The following ERBB2 variants were observed in gnomAD, a reference collection of about 807,000 sequenced individuals.
The protein encoded by ERBB2 is erb-b2 receptor tyrosine kinase 2.
Under a neutral mutation model 149.0 loss-of-function variants are expected in ERBB2, and 61 were observed. The observed-to-expected ratio is 0.41, with a 90% confidence interval of 0.33 to 0.51. ERBB2 has a LOEUF of 0.51. ERBB2 is among the 20% of genes least tolerant of loss of function. The pLI is 0.25. For synonymous variants in ERBB2, 633 were observed against 678.8 expected, an observed-to-expected ratio of 0.93 and a Z score of 1.05; for missense variants, 1,205 against 1,655.1, an observed-to-expected ratio of 0.73 and a Z score of 4.72.
Position 39,727,928 on chromosome 17 carries a change from G to A in ERBB2, c.3652G>A (p.Asp1218Asn), listed in dbSNP as rs2059870846. The change falls in exon 27 of 27, where the codon GAC (aspartate) becomes AAC (asparagine). Residue 1218 changes from aspartate to asparagine, a missense_variant. Asp to Asn is a conservative substitution (Grantham distance 23, BLOSUM62 1). Transcript: ENST00000269571. This position sits in a 1 kb window ranked among gnomAD's most constrained non-coding sequence, Gnocchi z 4.3. ...TCCTCCTGCCTTCAGCCCAGCCTTC[G>A]ACAACCTCTATTACTGGGACCAGGA... ...HPPPAFSPAF[D>N]NLYYWDQDPP... is the part of the protein sequence containing the mutation. 6 of 1,614,084 alleles carry A rather than the reference G, an allele frequency of 3.7e-6. No individual in the cohort carries two copies. Among genetic ancestry groups the A allele is most frequent in the African/African-American group, 1.3e-5 (1 of 75,014 alleles).
At position 39,719,843 on chromosome 17, in the gene ERBB2, G is replaced by A. The variant is rs1180697434; in HGVS notation, c.1946+9G>A. 6.2e-7 allele frequency: 1 copy of A among 1,613,974 alleles called. No individual in the cohort carries two copies. Among genetic ancestry groups the A allele is most frequent in the Non-Finnish European group, 8.5e-7 (1 of 1,179,840 alleles). On this transcript the variant is annotated intron_variant, in intron 16 of 26. Transcript: ENST00000269571. ...GCCGAGCAGAGAGCCAGGTTGGCCT[G>A]GACCCCAGGATGTACCCTTCATTGC...
In ERBB2 at chr17:39,706,998, G is replaced by A. The variant is rs564064363; in HGVS notation, c.82G>A (p.Gly28Ser). The change falls in exon 2 of 27, where the codon GGC becomes AGC. Residue 28 changes from glycine to serine, a missense_variant. By Grantham distance (56) the Gly-to-Ser change is moderately conservative. Around this residue, in one of 6 missense-constraint regions of ERBB2, gnomAD observed 101 missense variants for 95.1 expected, o/e 1.06. Coordinates refer to ENST00000269571, the MANE Select transcript of ERBB2 (RefSeq NM_004448.4). ...PGAASTQVCTGTDMKLRLPAS... is the reference protein window; with the variant it reads ...PGAASTQVCTSTDMKLRLPAS... Reference sequence around the variant, plus strand: ...CTGCTCTCTCCTGCCAGTGTGCACCGGCACAGACATGAAGCTGCGGCTCCC... The same window carrying A: ...CTGCTCTCTCCTGCCAGTGTGCACCAGCACAGACATGAAGCTGCGGCTCCC... The A allele has an allele frequency of 1.0e-5, 16 of 1,582,304 alleles. No homozygotes were observed. The highest frequency in any genetic ancestry group is 5.8e-5 in the South Asian group (5 of 86,606).
At chr17:39,689,655 C>T (rs529439569) in intron 2 of ERBB2, among the ~76,000 whole-genome samples, 1 of 152,194 alleles carries the variant, frequency 6.6e-6, no homozygotes, top group South Asian at 2.1e-4. Context: ...CCTGTAATCC[C>T]AGCACTTTGG....
upstream of ERBB2, chr17:39,699,954 T>C (rs1239882264): frequency 1.2e-5 from 14 of 1,206,270 alleles, no homozygotes; most frequent in Admixed American, 4.0e-5. Context: ...TGGAATGCAG[T>C]TGGAGGGGGC....
upstream of ERBB2, chr17:39,699,619 C>A: frequency 8.0e-7 from 1 of 1,244,040 alleles, no homozygotes; most frequent in Non-Finnish European, 1.1e-6. Flanking sequence ...CCTTGACTAT[C>A]AATTTTACTA....
rs1057519738 is a variant in ERBB2, at chr17:39,725,079, G to A, written c.2524G>A (p.Val842Ile). ...GMSYLEDVRLVHRDLAARNVL... is the reference protein window; with the variant it reads ...GMSYLEDVRLIHRDLAARNVL... ...GAGCTACCTGGAGGATGTGCGGCTCGTACACAGGGACTTGGCCGCTCGGAA... is the reference window on the plus strand; with the variant it reads ...GAGCTACCTGGAGGATGTGCGGCTCATACACAGGGACTTGGCCGCTCGGAA... The change falls in exon 21 of 27, where the codon GTA (valine) becomes ATA (isoleucine). Residue 842 changes from valine to isoleucine, a missense_variant. Physicochemically the swap from Val to Ile is conservative, Grantham distance 29. This residue lies in a region of ERBB2 where 152 missense variants were observed against 318.1 expected (regional missense o/e 0.48). Transcript: ENST00000269571. This position sits in a 1 kb window ranked among gnomAD's most constrained non-coding sequence, Gnocchi z 4.6. The A allele has an allele frequency of 1.9e-6, 3 of 1,614,126 alleles. No individual in the cohort carries two copies. The highest frequency in any genetic ancestry group is 2.5e-6 in the Non-Finnish European group (3 of 1,180,032).
At chr17:39,704,701 C>T (rs1402907738) in intron 1 of ERBB2, among the ~76,000 whole-genome samples, 1 of 152,126 alleles carries the variant, frequency 6.6e-6, no homozygotes, top group Non-Finnish European at 1.5e-5. Context: ...CAGCAAGCCT[C>T]CAGTTCCCTG....
At chr17:39,695,642 C>T (rs1597844145), upstream of ERBB2, among the ~76,000 whole-genome samples, 1 of 149,114 alleles carries the variant, frequency 6.7e-6, no homozygotes. Context: ...TGTTTGTTTT[C>T]AGTCCTCTGA....
chr17:39,694,524 C>T (rs35797841), upstream of ERBB2, among the ~76,000 whole-genome samples: 16,597 of 150,586 alleles, frequency 0.11, 1,761 homozygotes, highest in African/African-American at 0.28. Flanking sequence ...ATAAATGTAT[C>T]AAAAAGAGGA....
upstream of ERBB2, among the ~76,000 whole-genome samples, chr17:39,698,503 C>T (rs2057925360): frequency 1.3e-5 from 2 of 152,158 alleles, no homozygotes; most frequent in African/African-American, 4.8e-5. Flanking sequence ...TCGTGATCTG[C>T]CTGCCTCGGC....
chr17:39,722,983 A>T (rs1456581132), intron 16 of ERBB2, among the ~76,000 whole-genome samples: 1 of 152,122 alleles, frequency 6.6e-6, no homozygotes, highest in Non-Finnish European at 1.5e-5. Context: ...TCAGACTCTC[A>T]AAGTGCTAGG....
At chr17:39,696,304 C>G (rs1376194731), upstream of ERBB2, among the ~76,000 whole-genome samples, 1 of 152,276 alleles carries the variant, frequency 6.6e-6, no homozygotes, top group East Asian at 1.9e-4. Flanking sequence ...AGTTCTGACC[C>G]CAGCTCCTCC....
upstream of ERBB2, among the ~76,000 whole-genome samples, chr17:39,698,728 G>T (rs1283322005): frequency 6.6e-6 from 1 of 152,032 alleles, no homozygotes. Context: ...TGTGGGAGAT[G>T]GGGGGGAGGG....
chr17:39,692,026 G>C (rs540307709), upstream of ERBB2, among the ~76,000 whole-genome samples: 4 of 149,758 alleles, frequency 2.7e-5, no homozygotes, highest in East Asian at 7.8e-4. Flanking sequence ...GCTAATTTTT[G>C]TATTTTTTAG....
At position 39,710,362 on chromosome 17, in the gene ERBB2, G is replaced by T; in HGVS notation, c.782G>T (p.Ser261Ile). The change falls in exon 7 of 27, where the codon AGT becomes ATT. Residue 261 changes from serine to isoleucine, a missense_variant. This residue lies in a region of ERBB2 where 569 missense variants were observed against 803.5 expected (regional missense o/e 0.71). Transcript: ENST00000269571. ...DCLACLHFNH[S>I]GICELHCPAL... ...CAGGCCTGCCTCCACTTCAACCACA[G>T]TGGCATCTGTGAGCTGCACTGCCCA... is the stretch of plus-strand genomic sequence containing the variant. 6.2e-7 allele frequency: 1 copy of T among 1,614,150 alleles called. No individual in the cohort carries two copies.
chr17:39,709,246 G>T lies in ERBB2; in HGVS notation c.440-72G>T, dbSNP rs1414697133. On this transcript the variant is annotated intron_variant, in intron 3 of 26. Transcript: ENST00000269571. The stretch of plus-strand genomic sequence containing the variant: ...AAAAGGCCTGCTCCTCTTTTAGAAG[G>T]CAGGAGGGCCCCAAGGGAAGCAGAA... The T allele has an allele frequency of 1.9e-6, 3 of 1,572,680 alleles. No homozygotes were observed. In the East Asian group the frequency reaches 6.7e-5, roughly 35 times the overall value.
chr17:39,691,866 G>GACAGAT (rs2057710343), upstream of ERBB2, among the ~76,000 whole-genome samples: 2 of 128,888 alleles, frequency 1.6e-5, no homozygotes, highest in African/African-American at 6.3e-5. Flanking sequence ...AAACCTTCAT[G>GACAGAT]ATAGATATAG....
Position 39,727,454 on chromosome 17 carries a change from A to G in ERBB2, c.3319A>G (p.Ser1107Gly). 1 of 1,609,684 alleles carries G rather than the reference A, an allele frequency of 6.2e-7. No homozygotes were observed. ...GLQSLPTHDP[S>G]PLQRYSEDPT... ...GCAAAGCCTCCCCACACATGACCCC[A>G]GCCCTCTACAGCGGTACAGTGAGGA... The change falls in exon 26 of 27, where the codon AGC (serine) becomes GGC (glycine). Residue 1107 changes from serine (S) to glycine (G), a missense_variant. Ser to Gly is a moderately conservative substitution (Grantham distance 56). This residue lies in a region of ERBB2 where 312 missense variants were observed against 343.8 expected (regional missense o/e 0.91). Transcript: ENST00000269571. This position sits in a 1 kb window ranked among gnomAD's most constrained non-coding sequence, Gnocchi z 4.3.
At chr17:39,694,263 ATATATG>A (rs1420343592), upstream of ERBB2, among the ~76,000 whole-genome samples, 68 of 26,496 alleles carry the variant, frequency 2.6e-3, 4 homozygotes, top group African/African-American at 6.3e-3. Flanking sequence ...ATATATATAT[ATATATG>A]TGTGTATATA....
Sources: gnomAD v4.1 joint callset for allele counts (sites outside exome capture counted in the v4.1 genomes callset) on GRCh38, gnomAD v4.1.1 for gene constraint, gnomAD v4.1.1 regional missense constraint, Gnocchi (gnomAD v3.1) non-coding constraint, MANE v1.5 for transcripts, NCBI Gene and HGNC (gene_info 2026-07-23, HGNC 2026-07-21) for gene names.